The following ACOT11 variants were observed in gnomAD, a reference collection of about 807,000 sequenced individuals.
ACOT11 encodes acyl-CoA thioesterase 11, also known as acyl-coenzyme A thioesterase 11.
A neutral mutation model predicts 77.5 loss-of-function variants in ACOT11; 69 were observed. The ratio of observed to expected loss-of-function variants is 0.89; its 90% CI spans 0.73 to 1.09. ACOT11 has a LOEUF of 1.09. Ranked by LOEUF, ACOT11 falls within the 50% of genes least tolerant of loss-of-function variation. ACOT11 has a pLI of 0.00. For synonymous variants in ACOT11, 279 were observed against 313.0 expected, an observed-to-expected ratio of 0.89 and a Z score of 1.15; for missense variants, 766 against 813.7, an observed-to-expected ratio of 0.94 and a Z score of 0.71.
intron 1 of ACOT11, among the ~76,000 whole-genome samples, chr1:54,550,580 G>A (rs1653027055): frequency 1.3e-5 from 2 of 152,250 alleles, no homozygotes; most frequent in Middle Eastern, 3.4e-3. Context: ...TTGGGAGGCT[G>A]AGGCAGGTGA....
At chr1:54,554,241 T>A (rs529357523) in intron 1 of ACOT11, among the ~76,000 whole-genome samples, 1 of 143,308 alleles carries the variant, frequency 7.0e-6, no homozygotes, top group South Asian at 2.3e-4. Context: ...TCCATGTAGT[T>A]GCAAATGGCA....
chr1:54,607,045 C>A lies in ACOT11; in HGVS notation c.1371-89C>A. 6.4e-7 allele frequency: 1 copy of A among 1,557,202 alleles called. No individual in the cohort carries two copies. The highest frequency in any genetic ancestry group is 1.2e-5 in the South Asian group (1 of 84,060). ...CATCCCATCACAGAAGCTGCTCAGG[C>A]ACTGCAGTGTGGCAGGGCCCGGGCA... is the stretch of plus-strand genomic sequence containing the variant. On this transcript the variant is annotated intron_variant, in intron 13 of 15. Coordinates refer to ENST00000343744, the MANE Select transcript of ACOT11 (RefSeq NM_147161.4). The surrounding 1 kb of genome is among the most constrained non-coding windows in gnomAD (Gnocchi z 4.5).
chr1:54,567,119 TC>T (rs1653760206), intron 1 of ACOT11, among the ~76,000 whole-genome samples: 1 of 152,152 alleles, frequency 6.6e-6, no homozygotes, highest in Admixed American at 6.5e-5. Flanking sequence ...AGGCCTGAGT[TC>T]CTTGATTCCT....
chr1:54,634,865 C>T (rs141606523), exon 17 of ACOT11: 101 of 553,262 alleles, frequency 1.8e-4, no homozygotes, highest in Non-Finnish European at 2.5e-4. Context: ...ACAGCCACCC[C>T]GCTAAGAACA....
chr1:54,602,764 G>T (rs1367600412), intron 10 of ACOT11, 40 bp downstream of exon 10: 1 of 1,494,000 alleles, frequency 6.7e-7, no homozygotes, highest in Non-Finnish European at 8.9e-7. Context: ...GTGGATTCGG[G>T]GCTGTTCACG....
intron 15 of ACOT11, among the ~76,000 whole-genome samples, chr1:54,620,289 C>T (rs200958888): frequency 1.3e-5 from 2 of 152,202 alleles, no homozygotes; most frequent in East Asian, 3.9e-4. Context: ...GTAAATTTCA[C>T]AGACAAGGGA....
intron 16 of ACOT11, among the ~76,000 whole-genome samples, chr1:54,632,596 A>C (rs1209237276): frequency 6.6e-6 from 1 of 152,226 alleles, no homozygotes; most frequent in East Asian, 1.9e-4. Flanking sequence ...GGAATGGGAA[A>C]AAGTGAAATT....
chr1:54,562,017 C>T (rs1163438167), intron 1 of ACOT11, among the ~76,000 whole-genome samples: 64 of 75,420 alleles, frequency 8.5e-4, no homozygotes, highest in African/African-American at 5.2e-3. Context: ...ACCTCCCAGA[C>T]GGGGCGGCTG....
At chr1:54,601,157 GCA>G in intron 8 of ACOT11, 110 bp from the exon 9 acceptor site, 7 of 1,271,934 alleles carry the variant, frequency 5.5e-6, no homozygotes, top group Non-Finnish European at 7.7e-6. Context: ...GTGTGTGCAT[GCA>G]TGTGTGTGGG....
chr1:54,601,726 G>A (rs925669525), intron 9 of ACOT11, among the ~76,000 whole-genome samples: 3 of 152,142 alleles, frequency 2.0e-5, no homozygotes, highest in East Asian at 1.9e-4. Context: ...TTGGAACCTC[G>A]CCTCTACTAC....
downstream of ACOT11, among the ~76,000 whole-genome samples, chr1:54,611,174 C>T (rs1644113627): frequency 6.6e-6 from 1 of 152,176 alleles, no homozygotes; most frequent in African/African-American, 2.4e-5. Flanking sequence ...TGGCTCATGC[C>T]TGTAATCCCA....
intron 1 of ACOT11, among the ~76,000 whole-genome samples, chr1:54,552,795 GTGTTGT>G (rs370522224): frequency 1.1e-4 from 15 of 136,768 alleles, no homozygotes; most frequent in African/African-American, 1.9e-4. Flanking sequence ...CCCACTCTTA[GTGTTGT>G]TGTTGTTGTT....
Position 54,593,930 on chromosome 1 carries a change from T to C in ACOT11, c.373-11T>C. On this transcript the variant is annotated splice_polypyrimidine_tract_variant and intron_variant, in intron 4 of 15. Transcript: ENST00000343744. ...GTTCCTCATTCCTTCGCCCTTACTG[T>C]TCCTCTCCAGGTGGGCATCCAGGTG... The C allele has an allele frequency of 1.9e-6, 3 of 1,612,526 alleles. No individual in the cohort carries two copies. The highest frequency in any genetic ancestry group is 2.5e-6 in the Non-Finnish European group (3 of 1,178,688).
At chr1:54,614,138 T>C (rs539679519), downstream of ACOT11, among the ~76,000 whole-genome samples, 3 of 152,296 alleles carry the variant, frequency 2.0e-5, no homozygotes, top group African/African-American at 7.2e-5. Flanking sequence ...AACCTGGCAG[T>C]GCTATGTAAG....
At chr1:54,602,592 C>A in intron 9 of ACOT11, 77 bp from the exon 10 acceptor site, 1 of 1,361,180 alleles carries the variant, frequency 7.3e-7, no homozygotes, top group Non-Finnish European at 9.6e-7. Flanking sequence ...GCAGGAACTC[C>A]TTGGGCCCTG....
At position 54,605,061 on chromosome 1, in the gene ACOT11, C is replaced by T. The variant is rs1446717277; in HGVS notation, c.1237-15C>T. The T allele has an allele frequency of 5.6e-6, 9 of 1,609,838 alleles. No homozygotes were observed. The highest frequency in any genetic ancestry group is 7.6e-6 in the Non-Finnish European group (9 of 1,178,360). On this transcript the variant is annotated splice_polypyrimidine_tract_variant and intron_variant, in intron 12 of 15. Coordinates refer to ENST00000343744, the MANE Select transcript of ACOT11 (RefSeq NM_147161.4). ...CCACCACCCAGCAAATGAGGCTGCC[C>T]TCTATCCCATGCAGGTCCGCCTGTA... is the stretch of plus-strand genomic sequence containing the variant.
chr1:54,610,432 G>A (rs1238957072), downstream of ACOT11: 3 of 1,613,484 alleles, frequency 1.9e-6, no homozygotes, highest in African/African-American at 4.0e-5. Flanking sequence ...CATTGTTGCT[G>A]TTTTACCGCT....
intron 1 of ACOT11, chr1:54,573,198 C>T (rs1653984213): frequency 2.0e-6 from 2 of 985,350 alleles, no homozygotes; most frequent in African/African-American, 1.7e-5. Context: ...GCAGCAGCAA[C>T]TGTCCTGCCT....
At chr1:54,625,350 G>T (rs1458886788) in intron 15 of ACOT11, among the ~76,000 whole-genome samples, 1 of 152,192 alleles carries the variant, frequency 6.6e-6, no homozygotes, top group Admixed American at 6.5e-5. Flanking sequence ...GGTCTGCTCA[G>T]GAGACAGTAA....
Sources: allele counts gnomAD v4.1 joint callset (sites outside exome capture counted in the v4.1 genomes callset), GRCh38; gene constraint gnomAD v4.1.1; non-coding constraint Gnocchi (gnomAD v3.1); transcripts MANE v1.5; gene names NCBI Gene and HGNC (gene_info 2026-07-23, HGNC 2026-07-21).